The following TRERF1 variants were observed in gnomAD, a reference collection of about 807,000 sequenced individuals.
TRERF1 encodes the protein transcriptional-regulating factor 1.
In TRERF1, 27 loss-of-function variants were observed where a neutral mutation model predicts 122.9. That is an observed-to-expected ratio of 0.22 (90% confidence interval 0.16 to 0.30). TRERF1 has a LOEUF of 0.30. Ranked by LOEUF, TRERF1 falls within the 10% of genes least tolerant of loss-of-function variation. The pLI is 1.00. For missense variants in TRERF1, 1,248 were observed against 1,560.3 expected (o/e 0.80, Z 3.37); for synonymous variants, 636 against 641.7 (o/e 0.99, Z 0.13).
At chr6:42,414,513 A>G (rs1781562282) in intron 2 of TRERF1, among the ~76,000 whole-genome samples, 1 of 152,202 alleles carries the variant, frequency 6.6e-6, no homozygotes, top group African/African-American at 2.4e-5. Context: ...TTCACTCCAA[A>G]TTACGTTTCT....
At chr6:42,226,747 C>A (rs1769595274) in exon 18 of TRERF1, 1 of 152,216 alleles carries the variant, frequency 6.6e-6, no homozygotes. Context: ...GACGTCAGGT[C>A]CTACTCTCAT....
intron 2 of TRERF1, among the ~76,000 whole-genome samples, chr6:42,416,799 G>A (rs1016885557): frequency 2.0e-5 from 3 of 152,098 alleles, no homozygotes; most frequent in Non-Finnish European, 4.4e-5. Flanking sequence ...ATCTGGTCCT[G>A]GGACTATTTT....
intron 4 of TRERF1, among the ~76,000 whole-genome samples, chr6:42,281,341 A>G (rs1347456590): frequency 6.6e-6 from 1 of 152,086 alleles, no homozygotes; most frequent in Non-Finnish European, 1.5e-5. Flanking sequence ...AGACACGCAT[A>G]CTTCTGTTTG....
At chr6:42,318,561 T>A (rs1762876106) in intron 3 of TRERF1, among the ~76,000 whole-genome samples, 1 of 152,116 alleles carries the variant, frequency 6.6e-6, no homozygotes. Context: ...GTGGGTTAGG[T>A]CCCAAGAAGC....
At chr6:42,236,367 G>A (rs760302205) in exon 16 of TRERF1, 2 of 1,566,112 alleles carry the variant, frequency 1.3e-6, no homozygotes, top group Non-Finnish European at 1.7e-6. Context: ...CTTCTTCCGG[G>A]TCCTCCTCCT....
chr6:42,411,036 A>G (rs970456386), intron 2 of TRERF1, among the ~76,000 whole-genome samples: 2 of 152,166 alleles, frequency 1.3e-5, no homozygotes, highest in Admixed American at 1.3e-4. Flanking sequence ...GGGACAGCCT[A>G]GAACAAAATT....
At chr6:42,264,924 G>A in intron 6 of TRERF1, 70 bp from the exon 7 acceptor site, 1 of 1,544,340 alleles carries the variant, frequency 6.5e-7, no homozygotes, top group Non-Finnish European at 8.8e-7. Flanking sequence ...CTTGCCACAA[G>A]ACCTCATACC....
Position 42,325,546 on chromosome 6 carries a change from C to T in TRERF1, c.-370-24797G>A, listed in dbSNP as rs150980198. The stretch of plus-strand genomic sequence containing the variant: ...TGGACTGCATAAAGAAAATGTGGCA[C>T]ATATATGCCATGGAATGCTATGCAG... On this transcript the variant is annotated intron_variant, in intron 3 of 17. Transcript: ENST00000372922. Among the ~76,000 whole-genome samples the T allele has an allele frequency of 3.3e-5, 5 of 152,096 alleles. No homozygotes were observed. In the East Asian group the frequency reaches 5.8e-4, roughly 18 times the overall value.
chr6:42,377,212 A>G (rs1775049279), intron 2 of TRERF1, among the ~76,000 whole-genome samples: 1 of 152,236 alleles, frequency 6.6e-6, no homozygotes, highest in Non-Finnish European at 1.5e-5. Context: ...ACTCTTTTTT[A>G]AAGTGTACAA....
At chr6:42,368,178 G>A (rs1490279690) in intron 2 of TRERF1, among the ~76,000 whole-genome samples, 1 of 152,098 alleles carries the variant, frequency 6.6e-6, no homozygotes, top group African/African-American at 2.4e-5. Flanking sequence ...CTTGGTGGCT[G>A]TGCTCCAGTA....
chr6:42,278,227 G>C (rs141749968), intron 4 of TRERF1, among the ~76,000 whole-genome samples: 5 of 152,286 alleles, frequency 3.3e-5, no homozygotes, highest in Middle Eastern at 3.4e-3. Context: ...CGACTGTTTA[G>C]GGGGCAAATG....
At chr6:42,392,776 G>C (rs1353114188) in intron 2 of TRERF1, among the ~76,000 whole-genome samples, 1 of 152,086 alleles carries the variant, frequency 6.6e-6, no homozygotes, top group East Asian at 1.9e-4. Context: ...AGTCCAGCTG[G>C]GGGAAATGAG....
intron 4 of TRERF1, among the ~76,000 whole-genome samples, chr6:42,279,452 A>G (rs937691787): frequency 6.6e-6 from 1 of 152,166 alleles, no homozygotes; most frequent in Non-Finnish European, 1.5e-5. Context: ...GGCCCCAGCG[A>G]AAGTGGGAAT....
At chr6:42,277,923 A>AGAG (rs1018033312) in intron 4 of TRERF1, among the ~76,000 whole-genome samples, 39 of 122,892 alleles carry the variant, frequency 3.2e-4, no homozygotes, top group Non-Finnish European at 5.3e-5. Context: ...AAGAAGAAGA[A>AGAG]GAAGAAGAAG....
In TRERF1 at chr6:42,372,039, G is replaced by A. The variant is rs145179410; in HGVS notation, c.-453-8960C>T. ...TCTACTAAAAATACAAAAATTAGCC[G>A]GGCATGGTGGCAGGTGCCTGTAATC... On this transcript the variant is annotated intron_variant, in intron 2 of 17. Transcript: ENST00000372922. Among the ~76,000 whole-genome samples the A allele has an allele frequency of 3.3e-3, 498 of 152,006 alleles. 4 individuals are homozygous for A. The highest frequency in any genetic ancestry group is 0.014 in the Middle Eastern group (4 of 294).
chr6:42,310,102 ACTTTT>A (rs1030575991), intron 3 of TRERF1, among the ~76,000 whole-genome samples: 11 of 150,508 alleles, frequency 7.3e-5, no homozygotes, highest in African/African-American at 2.2e-4. Flanking sequence ...TGCACTAACT[ACTTTT>A]CTTTTCTTTT....
intron 8 of TRERF1, among the ~76,000 whole-genome samples, chr6:42,262,601 C>CAGAGAG (rs1554134255): frequency 4.1e-4 from 24 of 59,114 alleles, no homozygotes; most frequent in African/African-American, 5.7e-4. Flanking sequence ...GAGAGAGAGA[C>CAGAGAG]AGACAGACGG....
At chr6:42,444,255 G>C (rs1787075575) in intron 2 of TRERF1, among the ~76,000 whole-genome samples, 1 of 149,578 alleles carries the variant, frequency 6.7e-6, no homozygotes, top group Admixed American at 6.7e-5. Context: ...ACTCTGAACA[G>C]GGCTGAAAAT....
At chr6:42,233,582 GC>G (rs1582424672) in intron 16 of TRERF1, among the ~76,000 whole-genome samples, 1 of 152,254 alleles carries the variant, frequency 6.6e-6, no homozygotes, top group East Asian at 1.9e-4. Flanking sequence ...ACCACGCCTG[GC>G]CTCAAACTTT....
Sources: allele counts gnomAD v4.1 joint callset (sites outside exome capture counted in the v4.1 genomes callset), GRCh38; gene constraint gnomAD v4.1.1; transcripts MANE v1.5; gene names NCBI Gene and HGNC (gene_info 2026-07-23, HGNC 2026-07-21).